OLFM2: variants seen among roughly 807,000 people sequenced by gnomAD.
OLFM2 encodes the protein olfactomedin 2, also known as noelin-2.
OLFM2 carries 20 observed loss-of-function variants against 43.9 expected under a neutral mutation model. That is an observed-to-expected ratio of 0.46 (90% CI 0.32 to 0.66). The LOEUF is 0.66. Ranked by LOEUF, OLFM2 falls within the 30% of genes least tolerant of loss-of-function variation. The probability of loss-of-function intolerance (pLI) is 0.04; values close to 1 mark genes in which losing one functional copy is unlikely to be tolerated. For missense variants in OLFM2, 416 were observed against 643.6 expected (o/e 0.65, Z 3.83); for synonymous variants, 268 against 278.6 (o/e 0.96, Z 0.38).
intron 1 of OLFM2, among the ~76,000 whole-genome samples, chr19:9,875,615 C>A (rs1341817851): frequency 6.6e-6 from 1 of 151,688 alleles, no homozygotes; most frequent in South Asian, 2.1e-4. Context: ...CTCAGCCTCC[C>A]GGGTAGCTGG....
intron 1 of OLFM2, among the ~76,000 whole-genome samples, chr19:9,865,830 A>C (rs1348813794): frequency 4.0e-5 from 6 of 149,898 alleles, no homozygotes; most frequent in South Asian, 2.1e-4. Flanking sequence ...AAAAAAAAAA[A>C]AAAAACAAAG....
intron 1 of OLFM2, among the ~76,000 whole-genome samples, chr19:9,918,587 C>T (rs1367071899): frequency 1.3e-5 from 2 of 152,152 alleles, no homozygotes; most frequent in Non-Finnish European, 2.9e-5. Flanking sequence ...TTCATAGCAG[C>T]ATTGGTCATA....
At chr19:9,858,987 T>C (rs1481013012) in intron 2 of OLFM2, among the ~76,000 whole-genome samples, 1 of 151,262 alleles carries the variant, frequency 6.6e-6, no homozygotes, top group African/African-American at 2.4e-5. Context: ...GGTAGACCTT[T>C]ACCTGGCTAA....
intron 5 of OLFM2, among the ~76,000 whole-genome samples, chr19:9,855,385 C>T (rs1302748860): frequency 2.0e-5 from 3 of 151,628 alleles, no homozygotes; most frequent in Non-Finnish European, 4.4e-5. Flanking sequence ...GGATTACAGG[C>T]GCATCCCACC....
At chr19:9,878,449 G>A (rs1377090737) in intron 1 of OLFM2, among the ~76,000 whole-genome samples, 1 of 136,620 alleles carries the variant, frequency 7.3e-6, no homozygotes, top group Non-Finnish European at 1.5e-5. Flanking sequence ...GAGTGCAATG[G>A]CACAATCTCA....
At chr19:9,910,718 T>C (rs902242458) in intron 1 of OLFM2, among the ~76,000 whole-genome samples, 3 of 151,898 alleles carry the variant, frequency 2.0e-5, no homozygotes, top group African/African-American at 7.3e-5. Context: ...TGGATAGAGA[T>C]GGATGGATAG....
At chr19:9,871,587 A>G (rs2145444870) in intron 1 of OLFM2, among the ~76,000 whole-genome samples, 1 of 152,128 alleles carries the variant, frequency 6.6e-6, no homozygotes, top group East Asian at 1.9e-4. Context: ...AAAAAAAAAA[A>G]AAAAGCTCTT....
chr19:9,867,906 A>ATT lies in OLFM2; in HGVS notation c.64-7114_64-7113dup, dbSNP rs112454659. Among the ~76,000 whole-genome samples the ATT allele has an allele frequency of 4.8e-4, 71 of 148,548 alleles. 1 individual carries two copies. Among genetic ancestry groups the ATT allele is most frequent in the East Asian group, 4.5e-3 (23 of 5,066 alleles). ...AGCTATTACACATGCTAGAAAAAAA[A>ATT]TTTTTTTTTTTTGGAGACAGGGTCT... On this transcript the variant is annotated intron_variant, in intron 1 of 5. Coordinates refer to ENST00000264833, the MANE Select transcript of OLFM2 (RefSeq NM_058164.4).
intron 1 of OLFM2, among the ~76,000 whole-genome samples, chr19:9,935,230 T>C (rs2086508275): frequency 6.6e-6 from 1 of 152,162 alleles, no homozygotes; most frequent in African/African-American, 2.4e-5. Flanking sequence ...TAGCACGTAA[T>C]GAATGATCAC....
intron 5 of OLFM2, among the ~76,000 whole-genome samples, chr19:9,855,906 T>TG (rs1235435478): frequency 2.0e-5 from 3 of 152,072 alleles, no homozygotes; most frequent in Non-Finnish European, 4.4e-5. Context: ...CTGCAGCCCC[T>TG]GGGGAGTCAC....
chr19:9,902,716 T>C (rs1599490608), intron 1 of OLFM2, among the ~76,000 whole-genome samples: 4 of 151,336 alleles, frequency 2.6e-5, no homozygotes, highest in African/African-American at 7.3e-5. Flanking sequence ...CCTTTTCTGG[T>C]TTCTTTTTAG....
rs140957907 is a variant in OLFM2, at chr19:9,910,187, G to A, written c.63+26117C>T. On this transcript the variant is annotated intron_variant, in intron 1 of 5. Transcript: ENST00000264833. The stretch of plus-strand genomic sequence containing the variant: ...ACTACACTCCAGCCTGGGTGACAGA[G>A]TGAGACTCTTTCTCTAAAAATAATA... Among the ~76,000 whole-genome samples the A allele has an allele frequency of 2.2e-3, 329 of 152,226 alleles. 2 individuals are homozygous for A. The highest frequency in any genetic ancestry group is 0.02 in the Middle Eastern group (6 of 294).
At chr19:9,901,381 G>A (rs1400605834) in intron 1 of OLFM2, among the ~76,000 whole-genome samples, 1 of 152,012 alleles carries the variant, frequency 6.6e-6, no homozygotes, top group Non-Finnish European at 1.5e-5. Context: ...AGCTGAGATC[G>A]CGTCACTGCA....
chr19:9,904,152 T>TG (rs2046763744), intron 1 of OLFM2, among the ~76,000 whole-genome samples: 32 of 127,162 alleles, frequency 2.5e-4, no homozygotes, highest in East Asian at 5.0e-4. Flanking sequence ...TGAGTATTGT[T>TG]TGTGTGTGTG....
At chr19:9,872,874 CCATT>C (rs1420588910) in intron 1 of OLFM2, among the ~76,000 whole-genome samples, 1 of 152,152 alleles carries the variant, frequency 6.6e-6, no homozygotes, top group Admixed American at 6.6e-5. Flanking sequence ...ATCCATCCAT[CCATT>C]CATTCATCTG....
chr19:9,855,482 A>G (rs1599461921), intron 5 of OLFM2, among the ~76,000 whole-genome samples: 2 of 151,686 alleles, frequency 1.3e-5, no homozygotes, highest in East Asian at 1.9e-4. Context: ...CTTGTGATCC[A>G]CTGTCTCAGC....
chr19:9,927,265 G>C (rs1489274280), intron 1 of OLFM2, among the ~76,000 whole-genome samples: 1 of 152,100 alleles, frequency 6.6e-6, no homozygotes, highest in African/African-American at 2.4e-5. Flanking sequence ...CTGGGCGACA[G>C]AGCGAGGCTC....
At chr19:9,858,650 C>T (rs1486251864) in intron 2 of OLFM2, among the ~76,000 whole-genome samples, 2 of 152,190 alleles carry the variant, frequency 1.3e-5, no homozygotes, top group African/African-American at 4.8e-5. Flanking sequence ...CTTGCCCTGG[C>T]CTCTCCTGAC....
chr19:9,913,459 GC>G (rs757566898), intron 1 of OLFM2: 3 of 1,046,598 alleles, frequency 2.9e-6, no homozygotes, highest in Non-Finnish European at 3.5e-6. Flanking sequence ...CCCCGGGAGC[GC>G]CCCCCGCGCG....
Sources: allele counts gnomAD v4.1 joint callset (sites outside exome capture counted in the v4.1 genomes callset), GRCh38; gene constraint gnomAD v4.1.1; transcripts MANE v1.5; gene names NCBI Gene and HGNC (gene_info 2026-07-23, HGNC 2026-07-21).